The following WWC2 variants were observed in gnomAD, a reference collection of about 807,000 sequenced individuals.
WWC2 encodes the protein WW and C2 domain containing 2.
A neutral mutation model predicts 138.5 loss-of-function variants in WWC2; 101 were observed. The observed-to-expected ratio is 0.73, with a 90% CI of 0.62 to 0.86. The LOEUF (loss-of-function observed/expected upper bound fraction) is 0.86. Among genes scored for constraint, WWC2 ranks in the 40% least tolerant of loss-of-function variants. The probability of loss-of-function intolerance (pLI) is 0.00; values close to 1 mark genes in which losing one functional copy is unlikely to be tolerated. For missense variants in WWC2, 1,420 were observed against 1,419.4 expected (o/e 1.00, Z -0.01); for synonymous variants, 558 against 538.4 (o/e 1.04, Z -0.50).
At chr4:183,179,863 T>C (rs1349975088) in intron 1 of WWC2, among the ~76,000 whole-genome samples, 1 of 152,154 alleles carries the variant, frequency 6.6e-6, no homozygotes, top group Non-Finnish European at 1.5e-5. Flanking sequence ...GTGTACCATG[T>C]ATGTGTTTGG....
chr4:183,158,413 G>T (rs1733866403), intron 1 of WWC2, among the ~76,000 whole-genome samples: 1 of 151,632 alleles, frequency 6.6e-6, no homozygotes, highest in Non-Finnish European at 1.5e-5. Context: ...GGTTTCTTCT[G>T]AGACCTGTCT....
chr4:183,128,373 G>T (rs1477641523), intron 1 of WWC2, among the ~76,000 whole-genome samples: 1 of 152,028 alleles, frequency 6.6e-6, no homozygotes, highest in East Asian at 1.9e-4. Flanking sequence ...AATTAGCCAG[G>T]TGTGGTGGCA....
intron 16 of WWC2, among the ~76,000 whole-genome samples, chr4:183,279,293 T>C (rs1290705617): frequency 6.6e-6 from 1 of 152,018 alleles, no homozygotes; most frequent in Non-Finnish European, 1.5e-5. Context: ...GATTTGCGTA[T>C]ATTGAACCAG....
rs1186243191 is a variant in WWC2, at chr4:183,164,296, A to G, written c.132-29303A>G. Among the ~76,000 whole-genome samples the G allele has an allele frequency of 7.1e-3, 64 of 8,990 alleles. 2 individuals carry two copies. Among genetic ancestry groups the G allele is most frequent in the African/African-American group, 0.024 (63 of 2,574 alleles). The allele number at this position is 8,990 out of a possible 152,430, so 5.9% of individuals were successfully genotyped here. A position where few individuals can be genotyped will look rare whatever the true frequency, so the allele number is the denominator to read the frequency against. Reference sequence around the variant, plus strand: ...TATATATATATATATATATATATATATATACATATATATATTATATATACA... The same window carrying G: ...TATATATATATATATATATATATATGTATACATATATATATTATATATACA... On this transcript the variant is annotated intron_variant, in intron 1 of 22. Transcript: ENST00000403733.
chr4:183,213,236 TAGC>T (rs1337351613), intron 4 of WWC2, among the ~76,000 whole-genome samples: 1 of 152,204 alleles, frequency 6.6e-6, no homozygotes, highest in Non-Finnish European at 1.5e-5. Context: ...TTTGACCAGG[TAGC>T]ACTTTAGGAA....
chr4:183,178,278 T>C lies in WWC2; in HGVS notation c.132-15321T>C, dbSNP rs138661065. 5.3e-4 allele frequency among the ~76,000 whole-genome samples: 81 copies of C among 152,054 alleles called. No homozygotes were observed. The East Asian group carries it at 0.014, about 25-fold the overall frequency. The stretch of plus-strand genomic sequence containing the variant: ...AAAATCAGGGCCAGAGAGTGGCTGA[T>C]GCCTATAATTTCAACTCTTCGGGAT... On this transcript the variant is annotated intron_variant, in intron 1 of 22. Coordinates refer to ENST00000403733, the MANE Select transcript of WWC2 (RefSeq NM_024949.6).
intron 21 of WWC2, among the ~76,000 whole-genome samples, chr4:183,305,320 A>G (rs533877652): frequency 7.9e-5 from 12 of 152,294 alleles, no homozygotes; most frequent in African/African-American, 2.9e-4. Context: ...GAAGAAAGAC[A>G]AGGGAACAGA....
intron 4 of WWC2, among the ~76,000 whole-genome samples, chr4:183,212,891 A>G (rs1735646708): frequency 6.6e-6 from 1 of 152,222 alleles, no homozygotes; most frequent in African/African-American, 2.4e-5. Context: ...TCAGAGGCCT[A>G]TATTATATTA....
intron 21 of WWC2, among the ~76,000 whole-genome samples, chr4:183,310,502 T>A (rs1353840142): frequency 6.6e-6 from 1 of 152,068 alleles, no homozygotes; most frequent in Admixed American, 6.6e-5. Context: ...TCTTCACCTG[T>A]TTGTTTGTTT....
At chr4:183,191,894 A>T (rs1040455225) in intron 1 of WWC2, among the ~76,000 whole-genome samples, 2 of 151,848 alleles carry the variant, frequency 1.3e-5, no homozygotes, top group African/African-American at 4.8e-5. Flanking sequence ...TGCCTGGCTA[A>T]TTTTTTATTT....
Position 183,099,562 on chromosome 4 carries a change from G to A in WWC2, c.71G>A (p.Gly24Asp), listed in dbSNP as rs1743092189. 1.4e-6 allele frequency: 2 copies of A among 1,423,010 alleles called. No individual in the cohort carries two copies. The highest frequency in any genetic ancestry group is 6.3e-5 in the East Asian group (2 of 31,548). 88.1% of individuals were successfully genotyped at this position (1,423,010 alleles called of 1,614,324 possible). A position where few individuals can be genotyped will look rare whatever the true frequency, so the allele number is the denominator to read the frequency against. The change falls in exon 1 of 23, where the codon GGC becomes GAC. Residue 24 changes from glycine (G) to aspartate (D), a missense_variant. By Grantham distance (94) the Gly-to-Asp change is moderately conservative. Coordinates refer to ENST00000403733, the MANE Select transcript of WWC2 (RefSeq NM_024949.6). ...TGGGAGGAGGCCAGGGACTACGACG[G>A]CAAGGTCTTCTACATTGACCACAAC... ...RGWEEARDYD[G>D]KVFYIDHNTR...
intron 16 of WWC2, among the ~76,000 whole-genome samples, chr4:183,276,175 T>G (rs1422377349): frequency 2.0e-5 from 3 of 152,142 alleles, no homozygotes; most frequent in Non-Finnish European, 4.4e-5. Context: ...TTTATCTTTT[T>G]TCATCCTTTT....
At chr4:183,298,091 G>T (rs1290581198) in intron 21 of WWC2, among the ~76,000 whole-genome samples, 2 of 152,202 alleles carry the variant, frequency 1.3e-5, no homozygotes, top group African/African-American at 2.4e-5. Flanking sequence ...TATGTTAGAG[G>T]TCTCTTATTC....
Position 183,209,043 on chromosome 4 carries a change from G to C in WWC2, c.522+18G>C. The C allele has an allele frequency of 6.6e-7, 1 of 1,525,134 alleles. No homozygotes were observed. Among genetic ancestry groups the C allele is most frequent in the Non-Finnish European group, 8.9e-7 (1 of 1,119,866 alleles). The allele number at this position is 1,525,134 out of a possible 1,614,324, so 94.5% of individuals were successfully genotyped here. ...GATTAAGGGTAAGAAGTTTTAAATT[G>C]TGGTTCTATGTTGACCCATATGCAT... On this transcript the variant is annotated intron_variant, in intron 4 of 22. Coordinates refer to ENST00000403733, the MANE Select transcript of WWC2 (RefSeq NM_024949.6).
intron 1 of WWC2, among the ~76,000 whole-genome samples, chr4:183,161,964 C>T (rs904708729): frequency 6.6e-6 from 1 of 152,158 alleles, no homozygotes. Flanking sequence ...GCAGATTTTT[C>T]AGCATAAATG....
Position 183,187,334 on chromosome 4 carries a change from A to G in WWC2, c.132-6265A>G, listed in dbSNP as rs192255156. Among the ~76,000 whole-genome samples the G allele has an allele frequency of 1.3e-3, 198 of 151,858 alleles. 1 individual carries two copies. Among genetic ancestry groups the G allele is most frequent in the African/African-American group, 4.5e-3 (187 of 41,388 alleles). On this transcript the variant is annotated intron_variant, in intron 1 of 22. Transcript: ENST00000403733. ...TTTGGGAGGCCGAGGCGGGTGGATT[A>G]CCTGAGGTCAGGAGTTTGAGACCCG...
At chr4:183,222,320 C>T in intron 4 of WWC2, among the ~76,000 whole-genome samples, 1 of 151,838 alleles carries the variant, frequency 6.6e-6, no homozygotes, top group Non-Finnish European at 1.5e-5. Flanking sequence ...ATTATTAGAA[C>T]TAATAAATAG....
chr4:183,197,735 AT>A (rs1192403743), intron 2 of WWC2, among the ~76,000 whole-genome samples: 2 of 151,940 alleles, frequency 1.3e-5, no homozygotes, highest in African/African-American at 4.8e-5. Context: ...TTGTACTGTA[AT>A]TTTTTTTCTT....
chr4:183,137,266 C>T (rs978109122), intron 1 of WWC2, among the ~76,000 whole-genome samples: 1 of 152,080 alleles, frequency 6.6e-6, no homozygotes, highest in Admixed American at 6.6e-5. Context: ...TTTTATTGAA[C>T]TTTTTGACTT....
Sources: allele counts gnomAD v4.1 joint callset (sites outside exome capture counted in the v4.1 genomes callset), GRCh38; gene constraint gnomAD v4.1.1; transcripts MANE v1.5; gene names NCBI Gene and HGNC (gene_info 2026-07-23, HGNC 2026-07-21).